The following CHSY3 variants were observed in gnomAD, a reference collection of about 807,000 sequenced individuals.
The protein encoded by CHSY3 is N-acetylgalactosaminyl-proteoglycan 3-beta-glucuronosyltransferase 3.
A neutral mutation model predicts 67.2 loss-of-function variants in CHSY3; 35 were observed. The ratio of observed to expected loss-of-function variants is 0.52; its 90% confidence interval spans 0.40 to 0.69. The LOEUF is 0.69. Among genes scored for constraint, CHSY3 ranks in the 30% least tolerant of loss-of-function variants. The probability of loss-of-function intolerance (pLI) is 0.00; values close to 1 mark genes in which losing one functional copy is unlikely to be tolerated. For synonymous variants in CHSY3, 474 were observed against 434.7 expected, an observed-to-expected ratio of 1.09 and a Z score of -1.12; for missense variants, 1,069 against 1,138.5, an observed-to-expected ratio of 0.94 and a Z score of 0.88.
chr5:129,975,913 A>G (rs528044050), intron 2 of CHSY3, among the ~76,000 whole-genome samples: 50 of 152,186 alleles, frequency 3.3e-4, no homozygotes, highest in Admixed American at 2.9e-3. Context: ...TTCTCTTTAT[A>G]TGGGCAAGGA....
At chr5:130,112,838 T>C (rs974313199) in intron 2 of CHSY3, among the ~76,000 whole-genome samples, 1 of 152,170 alleles carries the variant, frequency 6.6e-6, no homozygotes, top group African/African-American at 2.4e-5. Flanking sequence ...CATTTCACTA[T>C]GCCTTTGACC....
At chr5:129,971,865 G>A (rs1422709227) in intron 2 of CHSY3, among the ~76,000 whole-genome samples, 1 of 151,946 alleles carries the variant, frequency 6.6e-6, no homozygotes, top group African/African-American at 2.4e-5. Context: ...TGTCTCCAAG[G>A]CCCTTACTGT....
At chr5:130,156,071 A>T (rs183676962) in intron 2 of CHSY3, among the ~76,000 whole-genome samples, 23 of 152,316 alleles carry the variant, frequency 1.5e-4, no homozygotes, top group African/African-American at 4.8e-4. Context: ...TACAGAAAGA[A>T]CTGTCAGATT....
chr5:130,174,824 G>A (rs1469965501), intron 2 of CHSY3, among the ~76,000 whole-genome samples: 2 of 152,054 alleles, frequency 1.3e-5, no homozygotes, highest in Non-Finnish European at 2.9e-5. Context: ...AAAAGTTAAA[G>A]GATTTGTCCA....
intron 2 of CHSY3, among the ~76,000 whole-genome samples, chr5:130,043,521 G>C (rs1765061340): frequency 6.6e-6 from 1 of 152,140 alleles, no homozygotes; most frequent in Admixed American, 6.6e-5. Flanking sequence ...ACGTGGGTCT[G>C]TTTGCATTCT....
At chr5:130,103,933 T>C (rs1561538465) in intron 2 of CHSY3, among the ~76,000 whole-genome samples, 1 of 151,944 alleles carries the variant, frequency 6.6e-6, no homozygotes. Context: ...GTATCTTATA[T>C]CTTAAAAGTG....
At chr5:129,975,633 T>C (rs1215977979) in intron 2 of CHSY3, among the ~76,000 whole-genome samples, 1 of 152,192 alleles carries the variant, frequency 6.6e-6, no homozygotes, top group Non-Finnish European at 1.5e-5. Context: ...TTGACATATA[T>C]TACAATATGT....
At chr5:130,093,915 C>A (rs186526172) in intron 2 of CHSY3, among the ~76,000 whole-genome samples, 5 of 152,164 alleles carry the variant, frequency 3.3e-5, no homozygotes, top group African/African-American at 9.6e-5. Flanking sequence ...CACATCTCTT[C>A]TATTTCCTTC....
At chr5:129,940,228 T>C (rs890861924) in intron 2 of CHSY3, among the ~76,000 whole-genome samples, 15 of 152,112 alleles carry the variant, frequency 9.9e-5, no homozygotes, top group African/African-American at 3.6e-4. Flanking sequence ...AGCAGGCATC[T>C]ACCTAGATTT....
chr5:129,966,980 A>G (rs1762486284), intron 2 of CHSY3, among the ~76,000 whole-genome samples: 1 of 151,850 alleles, frequency 6.6e-6, no homozygotes, highest in South Asian at 2.1e-4. Context: ...CTGTGTCTAA[A>G]GCAATTTAAG....
intron 2 of CHSY3, chr5:130,001,543 C>A: frequency 1.1e-6 from 1 of 904,298 alleles, no homozygotes; most frequent in Non-Finnish European, 1.3e-6. Context: ...CGCAGGACCC[C>A]ATGGAGAGTC....
At chr5:130,020,423 ATATATAT>A (rs1441746760) in intron 2 of CHSY3, among the ~76,000 whole-genome samples, 5 of 4,646 alleles carry the variant, frequency 1.1e-3, no homozygotes, top group African/African-American at 1.6e-3. Context: ...TCATCTCAAA[ATATATAT>A]ATATATATAT....
intron 2 of CHSY3, chr5:130,141,160 A>C (rs565286979): frequency 4.8e-6 from 2 of 417,374 alleles, no homozygotes; most frequent in African/African-American, 4.2e-5. Flanking sequence ...CAGCCATCCT[A>C]TCTGGAAGCA....
At chr5:130,171,156 T>G (rs993392986) in intron 2 of CHSY3, among the ~76,000 whole-genome samples, 9 of 152,124 alleles carry the variant, frequency 5.9e-5, no homozygotes, top group Non-Finnish European at 1.3e-4. Context: ...TTTACCAAAT[T>G]TTTAAAAAGT....
intron 2 of CHSY3, among the ~76,000 whole-genome samples, chr5:130,173,288 T>A (rs1769949376): frequency 6.6e-6 from 1 of 152,162 alleles, no homozygotes; most frequent in Non-Finnish European, 1.5e-5. Context: ...CATCATAATT[T>A]TTTAAATTTA....
intron 2 of CHSY3, among the ~76,000 whole-genome samples, chr5:130,083,429 T>C (rs1200438476): frequency 6.6e-6 from 1 of 152,018 alleles, no homozygotes; most frequent in Non-Finnish European, 1.5e-5. Flanking sequence ...CATAGGAAAA[T>C]ACACCCTACT....
chr5:130,038,548 C>T (rs1764922181), intron 2 of CHSY3, among the ~76,000 whole-genome samples: 2 of 152,006 alleles, frequency 1.3e-5, no homozygotes, highest in African/African-American at 2.4e-5. Context: ...CTACCCTGCA[C>T]ACAAGGATTG....
intron 2 of CHSY3, chr5:130,140,943 C>T (rs1407358888): frequency 2.3e-6 from 2 of 868,598 alleles, no homozygotes; most frequent in Admixed American, 5.9e-5. Flanking sequence ...GAATTGAATG[C>T]TTACCTGTTC....
At chr5:130,068,484 C>A (rs570273823) in intron 2 of CHSY3, among the ~76,000 whole-genome samples, 15 of 152,044 alleles carry the variant, frequency 9.9e-5, no homozygotes, top group Non-Finnish European at 1.3e-4. Flanking sequence ...ACAACAACAA[C>A]AAAAACTATA....
Sources: gnomAD v4.1 joint callset for allele counts (sites outside exome capture counted in the v4.1 genomes callset) on GRCh38, gnomAD v4.1.1 for gene constraint, MANE v1.5 for transcripts, NCBI Gene and HGNC (gene_info 2026-07-23, HGNC 2026-07-21) for gene names.